ABCC6: variants seen among roughly 807,000 people sequenced by gnomAD.
ABCC6 encodes the protein ATP-binding cassette sub-family C member 6.
ABCC6 carries 126 observed loss-of-function variants against 169.5 expected under a neutral mutation model. The ratio of observed to expected loss-of-function variants is 0.74; its 90% CI spans 0.64 to 0.86. ABCC6 has a LOEUF of 0.86. Ranked by LOEUF, ABCC6 falls within the 40% of genes least tolerant of loss-of-function variation. The pLI is 0.00. For synonymous variants in ABCC6, 752 were observed against 814.7 expected (o/e 0.92, Z 1.31); for missense variants, 1,733 against 1,927.2 (o/e 0.90, Z 1.89).
intron 21 of ABCC6, among the ~76,000 whole-genome samples, chr16:16,171,905 G>GGGTGGGTGGGTGGGATGGATA (rs1567488135): frequency 5.2e-5 from 1 of 19,132 alleles, no homozygotes; most frequent in African/African-American, 2.0e-4. Context: ...ATGGATAAAT[G>GGGTGGGTGGGTGGGATGGATA]AATGGGTGGG....
intron 27 of ABCC6, among the ~76,000 whole-genome samples, chr16:16,157,291 C>CT (rs1443113914): frequency 1.3e-5 from 2 of 152,174 alleles, no homozygotes; most frequent in Non-Finnish European, 2.9e-5. Context: ...AAAACTGAGA[C>CT]TGAGCTATGA....
chr16:16,203,453 T>C lies in ABCC6; in HGVS notation c.955A>G (p.Ile319Val), dbSNP rs72657699. ...STFLLGTLSL[I>V]ISDVFRFTVP... ...GTGAACCTGAAGACATCACTGATGATGAGGCTGAGGGTCCCCAGGAGGAAG... is the reference window on the plus strand; with the variant it reads ...GTGAACCTGAAGACATCACTGATGACGAGGCTGAGGGTCCCCAGGAGGAAG... Residue 319 changes from isoleucine (I) to valine (V), a missense_variant, in exon 8 of 31, where the codon ATC becomes GTC. Ile to Val is a conservative substitution (Grantham distance 29, BLOSUM62 3). This residue lies in a region of ABCC6 where 1,601 missense variants were observed against 1,635.5 expected (regional missense o/e 0.98). Coordinates refer to ENST00000205557, the MANE Select transcript of ABCC6 (RefSeq NM_001171.6). 1.0e-3 allele frequency: 1,659 copies of C among 1,612,760 alleles called. 20 individuals carry two copies. The African/African-American group carries it at 0.018, about 17-fold the overall frequency.
In ABCC6 at chr16:16,215,127, G is replaced by A. The variant is rs2048811350; in HGVS notation, c.475-678C>T. On this transcript the variant is annotated intron_variant, in intron 4 of 30. Transcript: ENST00000205557. ...CTTCAACCCTGCTCCCCCTTGGCCA[G>A]GGTTCTCTGTTTTGCAGAGATGAGA... Among the ~76,000 whole-genome samples, 5 of 152,206 alleles carry A rather than the reference G, an allele frequency of 3.3e-5. 1 individual carries two copies. The highest frequency in any genetic ancestry group is 3.3e-4 in the Admixed American group (5 of 15,272).
chr16:16,192,051 G>GGCT lies in ABCC6; in HGVS notation c.1431+776_1431+778dup, dbSNP rs553642736. ...ACAATCCCAGGGCAGGCAAAGGAGA[G>GGCT]GCTGCTGCTGGGAGGGGAGGGATGG... On this transcript the variant is annotated intron_variant, in intron 11 of 30. Coordinates refer to ENST00000205557, the MANE Select transcript of ABCC6 (RefSeq NM_001171.6). Among the ~76,000 whole-genome samples, 128 of 152,344 alleles carry GGCT rather than the reference G, an allele frequency of 8.4e-4. 1 individual carries two copies. The highest frequency in any genetic ancestry group is 2.9e-3 in the African/African-American group (122 of 41,578).
rs1021254687 is a variant in ABCC6, at chr16:16,150,333, C to T, written c.4404-92G>A. On this transcript the variant is annotated intron_variant, in intron 30 of 30. Transcript: ENST00000205557. ...CCCAGTGTGTCTGCGCTGAGGTTTT[C>T]TCCATAGAAGTCCTGCTTTCCATGC... 1.1e-5 allele frequency: 17 copies of T among 1,586,582 alleles called. No individual in the cohort carries two copies. The African/African-American group carries it at 1.5e-4, about 14-fold the overall frequency.
rs541446420 is a variant in ABCC6 at position 16,177,435 on chromosome 16, C to T, written c.2590+17G>A. ...GCAGGAGCCAGGCCTGGAGAATCAGCAAAGCCCACCTAGTACCTCCTTCTC... is the reference window on the plus strand; with the variant it reads ...GCAGGAGCCAGGCCTGGAGAATCAGTAAAGCCCACCTAGTACCTCCTTCTC... On this transcript the variant is annotated intron_variant, in intron 19 of 30. Transcript: ENST00000205557. 2 of 1,613,980 alleles carry T rather than the reference C, an allele frequency of 1.2e-6. No individual in the cohort carries two copies. The highest frequency in any genetic ancestry group is 1.3e-5 in the African/African-American group (1 of 75,064).
At chr16:16,205,303 C>T (rs538298992) in intron 7 of ABCC6, among the ~76,000 whole-genome samples, 2 of 152,068 alleles carry the variant, frequency 1.3e-5, no homozygotes, top group Admixed American at 6.6e-5. Context: ...TGAGAGATGG[C>T]GACAGCCGCC....
intron 18 of ABCC6, 126 bp from the exon 19 acceptor site, chr16:16,177,752 G>A: frequency 8.8e-7 from 1 of 1,131,160 alleles, no homozygotes; most frequent in Non-Finnish European, 1.3e-6. Flanking sequence ...AGACCAGCCT[G>A]GCTGACACGG....
chr16:16,191,084 GC>G (rs1468871925), intron 11 of ABCC6, among the ~76,000 whole-genome samples: 1 of 6,938 alleles, frequency 1.4e-4, no homozygotes, highest in Admixed American at 4.3e-3. Flanking sequence ...TCACCATGGG[GC>G]GGGGGGCATC....
intron 21 of ABCC6, among the ~76,000 whole-genome samples, chr16:16,171,172 A>G (rs1298058167): frequency 6.6e-6 from 1 of 150,980 alleles, no homozygotes; most frequent in Admixed American, 6.6e-5. Context: ...TTCTCAGAGC[A>G]TCCTGTCCAT....
Position 16,168,485 on chromosome 16 carries a change from A to T in ABCC6, c.2995+1161T>A, listed in dbSNP as rs375741317. 1.9e-4 allele frequency among the ~76,000 whole-genome samples: 29 copies of T among 151,972 alleles called. No homozygotes were observed. The East Asian group carries it at 4.5e-3, about 23-fold the overall frequency. The stretch of plus-strand genomic sequence containing the variant: ...TGGGTGACAAAGCCAGACCCAGTCT[A>T]TATATATGTGTGTGTGTGTATAAAT... On this transcript the variant is annotated intron_variant, in intron 22 of 30. Coordinates refer to ENST00000205557, the MANE Select transcript of ABCC6 (RefSeq NM_001171.6).
chr16:16,165,494 TG>T, intron 23 of ABCC6, 128 bp downstream of exon 23: 1 of 959,994 alleles, frequency 1.0e-6, no homozygotes, highest in Non-Finnish European at 1.6e-6. Flanking sequence ...TCCCTGTCCC[TG>T]GGAATTCTAG....
chr16:16,175,158 T>C (rs1053844411), intron 20 of ABCC6, among the ~76,000 whole-genome samples: 3 of 152,092 alleles, frequency 2.0e-5, no homozygotes, highest in African/African-American at 7.2e-5. Flanking sequence ...GCTGTGAAGG[T>C]GGTGGGATTT....
In ABCC6 at chr16:16,198,153, C is replaced by A. The variant is rs1420424274; in HGVS notation, c.1206G>T (p.Lys402Asn). 6.2e-7 allele frequency: 1 copy of A among 1,608,054 alleles called. No homozygotes were observed. The highest frequency in any genetic ancestry group is 8.5e-7 in the Non-Finnish European group (1 of 1,177,134). Residue 402 changes from lysine to asparagine, a missense_variant, in exon 10 of 31, where the codon AAG becomes AAT. This residue lies in a region of ABCC6 where 1,601 missense variants were observed against 1,635.5 expected (regional missense o/e 0.98). Coordinates refer to ENST00000205557, the MANE Select transcript of ABCC6 (RefSeq NM_001171.6). ...KVLALSSGSR[K>N]ASAVGDVVNL... ...TGACCACATCACCCACCGCACTGGC[C>A]TTTCTGGAGCCGCTGGACAGAGCCA...
At chr16:16,174,298 C>T (rs543115788) in intron 20 of ABCC6, among the ~76,000 whole-genome samples, 44 of 151,442 alleles carry the variant, frequency 2.9e-4, no homozygotes, top group Non-Finnish European at 5.8e-4. Context: ...ATAAAGCAAA[C>T]GCTGAGCTGT....
In ABCC6 at chr16:16,208,805, A is replaced by T; in HGVS notation, c.717T>A (p.Leu239=). ...GTTCTTCTGAGGAGTTTTCTCTCCC[A>T]AGCGACCAGAGGTCTTTTGGTCTCA... The part of the protein sequence containing the change: ...RPLRPKDLWS[L]GRENSSEELV... The change falls in exon 7 of 31, where the codon CTT becomes CTA. Residue 239 remains leucine (L), a synonymous_variant. Coordinates refer to ENST00000205557, the MANE Select transcript of ABCC6 (RefSeq NM_001171.6). 6.2e-7 allele frequency: 1 copy of T among 1,613,086 alleles called. No homozygotes were observed. Among genetic ancestry groups the T allele is most frequent in the Admixed American group, 1.7e-5 (1 of 59,872 alleles).
intron 23 of ABCC6, 46 bp downstream of exon 23, chr16:16,165,577 G>C (rs766662511): frequency 6.2e-7 from 1 of 1,605,476 alleles, no homozygotes; most frequent in Non-Finnish European, 8.5e-7. Context: ...GGGACTGGCT[G>C]AGTTGACCTC....
intron 26 of ABCC6, 91 bp from the exon 27 acceptor site, chr16:16,157,900 C>G: frequency 1.4e-6 from 2 of 1,388,536 alleles, no homozygotes; most frequent in Non-Finnish European, 2.0e-6. Flanking sequence ...TTTTCTCTTC[C>G]GCAAAATGGA....
At chr16:16,195,300 C>G (rs1426516349) in intron 10 of ABCC6, among the ~76,000 whole-genome samples, 4 of 133,596 alleles carry the variant, frequency 3.0e-5, no homozygotes, top group African/African-American at 1.1e-4. Flanking sequence ...TTGGTCTCAT[C>G]TAATTTTTTT....
Sources: gnomAD v4.1 joint callset for allele counts (sites outside exome capture counted in the v4.1 genomes callset) on GRCh38, gnomAD v4.1.1 for gene constraint, gnomAD v4.1.1 regional missense constraint, MANE v1.5 for transcripts, NCBI Gene and HGNC (gene_info 2026-07-23, HGNC 2026-07-21) for gene names.